The following ST6GALNAC2 variants were observed in gnomAD, a reference collection of about 807,000 sequenced individuals.
ST6GALNAC2 encodes alpha-N-acetylgalactosaminide alpha-2,6-sialyltransferase 2.
ST6GALNAC2 carries 42 observed loss-of-function variants against 38.7 expected under a neutral mutation model. That is an observed-to-expected ratio of 1.09 (90% confidence interval 0.85 to 1.40). The LOEUF is 1.40. Among genes scored for constraint, ST6GALNAC2 ranks in the 40% most tolerant of loss-of-function variants. The pLI, the probability that ST6GALNAC2 is intolerant of heterozygous loss-of-function variation, is 0.00. For missense variants in ST6GALNAC2, 506 were observed against 481.7 expected, an observed-to-expected ratio of 1.05 and a Z score of -0.47; for synonymous variants, 233 against 209.0, an observed-to-expected ratio of 1.11 and a Z score of -0.99.
At chr17:76,577,384 T>A (rs1163896752) in intron 2 of ST6GALNAC2, among the ~76,000 whole-genome samples, 1 of 151,808 alleles carries the variant, frequency 6.6e-6, no homozygotes, top group East Asian at 2.0e-4. Flanking sequence ...TGTCTTCTTA[T>A]ATGTGTCCAA....
chr17:76,571,509 G>A (rs1254836612), intron 5 of ST6GALNAC2, among the ~76,000 whole-genome samples: 1 of 152,216 alleles, frequency 6.6e-6, no homozygotes, highest in Non-Finnish European at 1.5e-5. Context: ...CAGGAGAATC[G>A]CTTGAACCCA....
intron 1 of ST6GALNAC2, 185 bp from the exon 2 acceptor site, chr17:76,579,001 C>T (rs536696507): frequency 1.5e-4 from 60 of 411,756 alleles, no homozygotes; most frequent in African/African-American, 1.1e-3. Context: ...CTCACTGCAA[C>T]CTCTGCCTCC....
chr17:76,567,381 T>A (rs1484327450), intron 8 of ST6GALNAC2, 72 bp downstream of exon 8: 1 of 1,110,116 alleles, frequency 9.0e-7, no homozygotes, highest in Non-Finnish European at 1.4e-6. Context: ...GTAAGGGATA[T>A]CAGGGGATCC....
Position 76,573,159 on chromosome 17 carries a change from T to TGCCACCC in ST6GALNAC2, c.530+35_530+36insGGGTGGC. 6.5e-7 allele frequency: 1 copy of TGCCACCC among 1,530,318 alleles called. No individual in the cohort carries two copies. Among genetic ancestry groups the TGCCACCC allele is most frequent in the Non-Finnish European group, 8.9e-7 (1 of 1,120,828 alleles). 94.8% of individuals were successfully genotyped at this position (1,530,318 alleles called of 1,614,324 possible). A position where few individuals can be genotyped will look rare whatever the true frequency, so the allele number is the denominator to read the frequency against. ...GACACCCCCACCCTCCAGGCAACTC[T>TGCCACCC]CCCTCCCGCCCCTCCCCAGCTCCTA... On this transcript the variant is annotated intron_variant, in intron 4 of 8. Transcript: ENST00000225276. This position sits in a 1 kb window ranked among gnomAD's most constrained non-coding sequence, Gnocchi z 5.1.
chr17:76,585,632 C>T, intron 1 of ST6GALNAC2, 52 bp downstream of exon 1: 1 of 1,472,696 alleles, frequency 6.8e-7, no homozygotes, highest in Non-Finnish European at 8.9e-7. Flanking sequence ...GGGACCCTCC[C>T]CGCGCCCTGG....
chr17:76,567,979 C>T (rs539105413), intron 7 of ST6GALNAC2: 2 of 185,842 alleles, frequency 1.1e-5, no homozygotes, highest in Non-Finnish European at 2.3e-5. Flanking sequence ...GGGCTCTGCC[C>T]TCAGGCCTGA....
intron 8 of ST6GALNAC2, 35 bp from the exon 9 acceptor site, chr17:76,566,306 G>A: frequency 6.2e-7 from 1 of 1,609,524 alleles, no homozygotes; most frequent in Non-Finnish European, 8.5e-7. Context: ...AGTATTTGTT[G>A]AGCGTCTAGT....
At chr17:76,574,609 T>C in intron 2 of ST6GALNAC2, 70 bp from the exon 3 acceptor site, 1 of 1,315,514 alleles carries the variant, frequency 7.6e-7, no homozygotes, top group Non-Finnish European at 1.0e-6. Flanking sequence ...CTGCAGACCC[T>C]GCAGGGGAGT....
chr17:76,570,505 T>A, intron 6 of ST6GALNAC2, 60 bp downstream of exon 6: 1 of 1,247,824 alleles, frequency 8.0e-7, no homozygotes, highest in Non-Finnish European at 1.1e-6. Flanking sequence ...AAAAAGGAGA[T>A]AACCACAGTG....
Position 76,571,838 on chromosome 17 carries a change from G to A in ST6GALNAC2, c.669+799C>T, listed in dbSNP as rs191979904. 3.9e-3 allele frequency among the ~76,000 whole-genome samples: 588 copies of A among 152,296 alleles called. 4 individuals carry two copies. The highest frequency in any genetic ancestry group is 0.013 in the African/African-American group (547 of 41,560). ...CTGAGGAGGGAAGCTTTGAGTTAAC[G>A]GCCTTTGGGTGTGGGTGGAGGAACC... On this transcript the variant is annotated intron_variant, in intron 5 of 8. Transcript: ENST00000225276.
chr17:76,581,322 C>T (rs946876684), intron 1 of ST6GALNAC2, among the ~76,000 whole-genome samples: 12 of 152,002 alleles, frequency 7.9e-5, no homozygotes, highest in African/African-American at 2.9e-4. Context: ...GGTGCTCAGC[C>T]TAGGTTGCCT....
intron 2 of ST6GALNAC2, among the ~76,000 whole-genome samples, chr17:76,574,826 G>A (rs576666270): frequency 5.4e-4 from 82 of 152,070 alleles, no homozygotes; most frequent in Middle Eastern, 3.4e-3. Flanking sequence ...ACAGGCGCCC[G>A]CCACCACGCC....
rs765388230 is a variant in ST6GALNAC2 at position 76,567,530 on chromosome 17, T to G, written c.880A>C (p.Asn294His). 2.2e-5 allele frequency: 36 copies of G among 1,613,650 alleles called. No individual in the cohort carries two copies. Among genetic ancestry groups the G allele is most frequent in the African/African-American group, 1.1e-4 (8 of 74,900 alleles). ...ATATATAGGTCTCCAAAATGTGTGT[T>G]AATCAACTTTGATTTCAAGAACCTG... The part of the protein sequence containing the change: ...TERFLKSKLI[N>H]THFGDLYMPS... The change falls in exon 8 of 9, where the codon AAC becomes CAC. Residue 294 changes from asparagine (N) to histidine (H), a missense_variant. Transcript: ENST00000225276.
chr17:76,581,849 C>A (rs1351102454), intron 1 of ST6GALNAC2, among the ~76,000 whole-genome samples: 2 of 152,050 alleles, frequency 1.3e-5, no homozygotes, highest in Non-Finnish European at 2.9e-5. Context: ...CAACTTAGAT[C>A]ATATTCTCTT....
Position 76,585,665 on chromosome 17 carries a change from T to G in ST6GALNAC2, c.125+19A>C, listed in dbSNP as rs2075536770. ...TGGTCGCCCCTGCGCCCTCCCGCTC[T>G]GCGCTCGGCAGCCCCTACCTGGCTC... On this transcript the variant is annotated intron_variant, in intron 1 of 8. Coordinates refer to ENST00000225276, the MANE Select transcript of ST6GALNAC2 (RefSeq NM_006456.3). The G allele has an allele frequency of 2.0e-6, 3 of 1,515,116 alleles. No individual in the cohort carries two copies. The highest frequency in any genetic ancestry group is 1.4e-5 in the African/African-American group (1 of 69,580). The allele number at this position is 1,515,116 out of a possible 1,614,324, so 93.9% of individuals were successfully genotyped here. A position where few individuals can be genotyped will look rare whatever the true frequency, so the allele number is the denominator to read the frequency against.
chr17:76,575,677 C>T (rs367755519), intron 2 of ST6GALNAC2, among the ~76,000 whole-genome samples: 7 of 152,056 alleles, frequency 4.6e-5, no homozygotes, highest in East Asian at 3.9e-4. Context: ...CCAGCAGCCA[C>T]GGGGAAGGAA....
At chr17:76,577,169 T>A (rs1403913995) in intron 2 of ST6GALNAC2, among the ~76,000 whole-genome samples, 3 of 149,008 alleles carry the variant, frequency 2.0e-5, no homozygotes, top group African/African-American at 7.5e-5. Context: ...CAGGTTCAAG[T>A]GATTCTCCTG....
At chr17:76,584,363 G>A (rs1054397406) in intron 1 of ST6GALNAC2, among the ~76,000 whole-genome samples, 1 of 151,938 alleles carries the variant, frequency 6.6e-6, no homozygotes, top group Non-Finnish European at 1.5e-5. Flanking sequence ...CCCCGGATAA[G>A]TTTTGTATTT....
chr17:76,568,878 G>T, intron 6 of ST6GALNAC2, 82 bp from the exon 7 acceptor site: 3 of 1,385,056 alleles, frequency 2.2e-6, no homozygotes, highest in Non-Finnish European at 3.1e-6. Context: ...TCAGGGCGCC[G>T]GAGTAGCCGC....
Sources: gnomAD v4.1 joint callset for allele counts (sites outside exome capture counted in the v4.1 genomes callset) on GRCh38, gnomAD v4.1.1 for gene constraint, Gnocchi (gnomAD v3.1) non-coding constraint, MANE v1.5 for transcripts, NCBI Gene and HGNC (gene_info 2026-07-23, HGNC 2026-07-21) for gene names.